ULK1: variants seen among roughly 807,000 people sequenced by gnomAD.
ULK1 encodes the protein unc-51 like autophagy activating kinase 1.
In ULK1, 48 loss-of-function variants were observed where a neutral mutation model predicts 117.5. The observed-to-expected ratio is 0.41, with a 90% CI of 0.32 to 0.52. The LOEUF (loss-of-function observed/expected upper bound fraction) is 0.52. Ranked by LOEUF, ULK1 falls within the 20% of genes least tolerant of loss-of-function variation. The pLI is 0.29. For missense variants in ULK1, 1,387 were observed against 1,473.4 expected, an observed-to-expected ratio of 0.94 and a Z score of 0.96; for synonymous variants, 790 against 637.8, an observed-to-expected ratio of 1.24 and a Z score of -3.60.
chr12:131,904,801 C>T (rs1889207805), intron 3 of ULK1, among the ~76,000 whole-genome samples: 1 of 152,104 alleles, frequency 6.6e-6, no homozygotes, highest in South Asian at 2.1e-4. Context: ...ACTGGAGGGG[C>T]TGTGGGGAGG....
chr12:131,915,410 C>T lies in ULK1; in HGVS notation c.1598C>T (p.Ser533Phe). 1 of 1,612,632 alleles carries T rather than the reference C, an allele frequency of 6.2e-7. No homozygotes were observed. Among genetic ancestry groups the T allele is most frequent in the Non-Finnish European group, 8.5e-7 (1 of 1,179,962 alleles). ...PQGAEMRGGRSPRPGSSAPEH... is the reference protein window; with the variant it reads ...PQGAEMRGGRFPRPGSSAPEH... ...GGAGCTGAGATGCGGGGTGGCAGGT[C>T]CCCTCGTCCAGGTGGGTGCAGTCCG... Residue 533 changes from serine (S) to phenylalanine (F), a missense_variant, in exon 18 of 28, where the codon TCC becomes TTC. Physicochemically the swap from Ser to Phe is radical, Grantham distance 155. Transcript: ENST00000321867.
chr12:131,919,814 C>A, intron 25 of ULK1, 165 bp from the exon 26 acceptor site: 1 of 1,162,280 alleles, frequency 8.6e-7, no homozygotes, highest in Non-Finnish European at 1.2e-6. Flanking sequence ...CGGATGGCAC[C>A]CGGGACAAGG....
chr12:131,905,780 T>C (rs1051830893), intron 3 of ULK1, among the ~76,000 whole-genome samples: 1 of 152,088 alleles, frequency 6.6e-6, no homozygotes, highest in Non-Finnish European at 1.5e-5. Flanking sequence ...AGGCTCCCAG[T>C]CCCAGGTGAG....
At position 131,922,086 on chromosome 12, in the gene ULK1, GA is replaced by G; in HGVS notation, c.*726del. The G allele has an allele frequency of 2.2e-6, 1 of 451,100 alleles. No individual in the cohort carries two copies. 27.9% of individuals were successfully genotyped at this position (451,100 alleles called of 1,614,324 possible). A position where few individuals can be genotyped will look rare whatever the true frequency, so the allele number is the denominator to read the frequency against. Reference sequence around the variant, plus strand: ...AGCGTTCCTCTGGGGACCGGCAGCAGAGGCACCGTGTTCTCTCAGCCCTGGA... The same window carrying G: ...AGCGTTCCTCTGGGGACCGGCAGCAGGGCACCGTGTTCTCTCAGCCCTGGA... On this transcript the variant is annotated 3_prime_UTR_variant, in exon 28 of 28. Transcript: ENST00000321867.
chr12:131,895,598 C>T lies in ULK1; in HGVS notation c.112-3C>T. ...GCCTTGAAGGTGCACGTTTGGCTTT[C>T]AGAAGCACGATTTGGAGGTCGCCGT... On this transcript the variant is annotated splice_polypyrimidine_tract_variant and splice_region_variant and intron_variant, in intron 1 of 27. Coordinates refer to ENST00000321867, the MANE Select transcript of ULK1 (RefSeq NM_003565.4). 1 of 1,613,698 alleles carries T rather than the reference C, an allele frequency of 6.2e-7. No individual in the cohort carries two copies. The highest frequency in any genetic ancestry group is 8.5e-7 in the Non-Finnish European group (1 of 1,179,850).
Position 131,910,787 on chromosome 12 carries a change from T to C in ULK1, c.935T>C (p.Leu312Pro), listed in dbSNP as rs775402283. ...TCCAGCAGCAGCTCCACCTCCCACCTGGCCTCCCCGCCGGTGAGTTGCCGC... is the reference window on the plus strand; with the variant it reads ...TCCAGCAGCAGCTCCACCTCCCACCCGGCCTCCCCGCCGGTGAGTTGCCGC... ...SSSSSSSTSH[L>P]ASPPSLGEMQ... is the part of the protein sequence containing the mutation. The change falls in exon 12 of 28, where the codon CTG becomes CCG. Residue 312 changes from leucine (L) to proline (P), a missense_variant. Leu to Pro is a moderately conservative substitution (Grantham distance 98, BLOSUM62 -3). Around this residue, in one of 4 missense-constraint regions of ULK1, gnomAD observed 260 missense variants for 271.6 expected, o/e 0.96. Transcript: ENST00000321867. 6.2e-7 allele frequency: 1 copy of C among 1,612,170 alleles called. No homozygotes were observed. The highest frequency in any genetic ancestry group is 1.1e-5 in the South Asian group (1 of 91,066).
intron 14 of ULK1, among the ~76,000 whole-genome samples, chr12:131,913,514 T>C (rs1889634958): frequency 6.6e-6 from 1 of 151,792 alleles, no homozygotes; most frequent in Non-Finnish European, 1.5e-5. Flanking sequence ...GCCAACATGG[T>C]GAAACCCCGT....
At chr12:131,914,938 G>A (rs1352745654) in intron 16 of ULK1, 145 bp from the exon 17 acceptor site, 8 of 1,249,774 alleles carry the variant, frequency 6.4e-6, no homozygotes, top group Non-Finnish European at 8.7e-6. Flanking sequence ...CCATCTGTCA[G>A]CACTGTAGCC....
intron 10 of ULK1, 96 bp from the exon 11 acceptor site, chr12:131,910,158 G>T: frequency 1.9e-6 from 3 of 1,579,700 alleles, no homozygotes; most frequent in Non-Finnish European, 1.7e-6. Flanking sequence ...GCCCGGGCAG[G>T]TGCCCAACGC....
Position 131,920,151 on chromosome 12 carries a change from G to C in ULK1, c.2961+15G>C. 6.2e-7 allele frequency: 1 copy of C among 1,606,678 alleles called. No homozygotes were observed. The highest frequency in any genetic ancestry group is 8.5e-7 in the Non-Finnish European group (1 of 1,174,824). On this transcript the variant is annotated intron_variant, in intron 26 of 27. Transcript: ENST00000321867. ...CTGTGCAGATGGTACGGGACAGACA[G>C]ACACCAGTGGGGCAGGGGCCAGGAA...
In ULK1 at chr12:131,895,123, C is replaced by T. The variant is rs758285450; in HGVS notation, c.111+11C>T. On this transcript the variant is annotated intron_variant, in intron 1 of 27. Transcript: ENST00000321867. Reference sequence around the variant, plus strand: ...GGCCGCCACCGCGAGGTGAGGCCCCCGTCCGGCCCGGGATCCCCCGCCCAG... The same window carrying T: ...GGCCGCCACCGCGAGGTGAGGCCCCTGTCCGGCCCGGGATCCCCCGCCCAG... The T allele has an allele frequency of 9.2e-6, 14 of 1,518,466 alleles. No individual in the cohort carries two copies. The East Asian group carries it at 3.2e-4, about 35-fold the overall frequency. 94.1% of individuals were successfully genotyped at this position (1,518,466 alleles called of 1,614,324 possible).
At chr12:131,908,873 C>G (rs373850625) in intron 6 of ULK1, 25 bp from the exon 7 acceptor site, 22 of 1,608,300 alleles carry the variant, frequency 1.4e-5, no homozygotes, top group African/African-American at 5.3e-5. Context: ...GGGCCGGCGC[C>G]GGTCCTGACG....
Position 131,921,998 on chromosome 12 carries a change from C to T in ULK1, c.*637C>T, listed in dbSNP as rs569902950. On this transcript the variant is annotated 3_prime_UTR_variant, in exon 28 of 28. Transcript: ENST00000321867. The stretch of plus-strand genomic sequence containing the variant: ...GTTGCTGCCCAGGTCTGGACCTCAG[C>T]GGGAGAACTGGCTCCGGGGGGAGTG... The T allele has an allele frequency of 4.6e-5, 21 of 455,140 alleles. No homozygotes were observed. Among genetic ancestry groups the T allele is most frequent in the African/African-American group, 2.4e-4 (12 of 50,184 alleles). The allele number at this position is 455,140 out of a possible 1,614,324, so 28.2% of individuals were successfully genotyped here. A position where few individuals can be genotyped will look rare whatever the true frequency, so the allele number is the denominator to read the frequency against.
At chr12:131,901,232 G>A (rs763865270) in intron 3 of ULK1, among the ~76,000 whole-genome samples, 4 of 151,842 alleles carry the variant, frequency 2.6e-5, no homozygotes, top group South Asian at 2.1e-4. Context: ...GGTGGTGGGC[G>A]CCTGTAGTCC....
At position 131,907,527 on chromosome 12, in the gene ULK1, G is replaced by A. The variant is rs1378783195; in HGVS notation, c.312G>A (p.Leu104=). The A allele has an allele frequency of 1.2e-6, 2 of 1,611,788 alleles. No homozygotes were observed. The highest frequency in any genetic ancestry group is 1.1e-5 in the South Asian group (1 of 90,922). Residue 104 remains leucine (L), a synonymous_variant, in exon 5 of 28, where the codon CTG becomes CTA. Coordinates refer to ENST00000321867, the MANE Select transcript of ULK1 (RefSeq NM_003565.4). The stretch of plus-strand genomic sequence containing the variant: ...ACGGTGGGGACCTGGCCGACTACCT[G>A]CACGGTGAGTGCACAGCTGCGCCAC... ...YCNGGDLADY[L]HAMRTLSEDT...
intron 16 of ULK1, among the ~76,000 whole-genome samples, chr12:131,914,780 G>T (rs888090807): frequency 9.8e-5 from 15 of 152,354 alleles, no homozygotes; most frequent in African/African-American, 3.4e-4. Context: ...AGAAGGCTGT[G>T]TGGGCCAGTG....
intron 5 of ULK1, among the ~76,000 whole-genome samples, chr12:131,908,210 G>A (rs1287731464): frequency 6.6e-6 from 1 of 152,122 alleles, no homozygotes; most frequent in African/African-American, 2.4e-5. Flanking sequence ...CTCGCCCCAC[G>A]CGAGGAGGAC....
intron 15 of ULK1, 68 bp downstream of exon 15, chr12:131,913,904 GTGTGTCGCAGCCAGCCCAGGCCTGC>G: frequency 7.5e-7 from 1 of 1,327,130 alleles, no homozygotes; most frequent in Non-Finnish European, 9.9e-7. Context: ...TGGGCTTCCT[GTGTGTCGCAGCCAGCCCAGGCCTGC>G]TGTGTCCAGA....
In ULK1 at chr12:131,917,785, G is replaced by T. The variant is rs565261880; in HGVS notation, c.2326+231G>T. Among the ~76,000 whole-genome samples, 4 of 152,294 alleles carry T rather than the reference G, an allele frequency of 2.6e-5. No homozygotes were observed. In the South Asian group the frequency reaches 8.3e-4, roughly 32 times the overall value. ...CACCCCTGCCACTCAACCTGTGAGC[G>T]GTAGGCGCTCGTTCCCATTTATCCC... On this transcript the variant is annotated intron_variant, in intron 22 of 27. Transcript: ENST00000321867.
Sources: gnomAD v4.1 joint callset for allele counts (sites outside exome capture counted in the v4.1 genomes callset) on GRCh38, gnomAD v4.1.1 for gene constraint, gnomAD v4.1.1 regional missense constraint, MANE v1.5 for transcripts, NCBI Gene and HGNC (gene_info 2026-07-23, HGNC 2026-07-21) for gene names.